AUTS2: variants seen among roughly 807,000 people sequenced by gnomAD.
AUTS2 encodes the protein autism susceptibility gene 2 protein.
A neutral mutation model predicts 112.4 loss-of-function variants in AUTS2; 17 were observed. The ratio of observed to expected loss-of-function variants is 0.15; its 90% confidence interval spans 0.10 to 0.23. The LOEUF (loss-of-function observed/expected upper bound fraction) is 0.23, where lower values mean the gene tolerates loss of function less well. Among genes scored for constraint, AUTS2 ranks in the 10% least tolerant of loss-of-function variants. AUTS2 has a pLI of 1.00. For synonymous variants in AUTS2, 751 were observed against 702.7 expected (o/e 1.07, Z -1.09); for missense variants, 1,510 against 1,701.6 (o/e 0.89, Z 1.98).
chr7:70,104,156 C>G (rs186653903), intron 2 of AUTS2, among the ~76,000 whole-genome samples: 3 of 149,258 alleles, frequency 2.0e-5, no homozygotes, highest in African/African-American at 7.4e-5. Flanking sequence ...CAAAAATTAG[C>G]AGTTATTCAA....
intron 2 of AUTS2, among the ~76,000 whole-genome samples, chr7:69,999,437 A>T (rs760680253): frequency 3.3e-5 from 5 of 152,204 alleles, no homozygotes; most frequent in Non-Finnish European, 7.3e-5. Flanking sequence ...AAGACTAGAT[A>T]AAAAAGGATA....
At chr7:70,037,474 T>C (rs1316142122) in intron 2 of AUTS2, among the ~76,000 whole-genome samples, 1 of 152,208 alleles carries the variant, frequency 6.6e-6, no homozygotes, top group Admixed American at 6.5e-5. Flanking sequence ...ACTATATATA[T>C]GTACCTGATA....
chr7:70,616,753 G>GTTTTTTTTTT (rs67691820), intron 5 of AUTS2, among the ~76,000 whole-genome samples: 21 of 131,264 alleles, frequency 1.6e-4, no homozygotes, highest in East Asian at 6.9e-4. Context: ...GTGTCGAATA[G>GTTTTTTTTTT]TTTTTTTTTT....
intron 4 of AUTS2, chr7:70,290,338 T>C: frequency 6.8e-7 from 1 of 1,465,620 alleles, no homozygotes; most frequent in Non-Finnish European, 9.0e-7. Flanking sequence ...TTCTTTTGAA[T>C]CATTTGAGAT....
At chr7:69,608,083 T>G (rs1792826194) in intron 1 of AUTS2, among the ~76,000 whole-genome samples, 1 of 152,128 alleles carries the variant, frequency 6.6e-6, no homozygotes, top group East Asian at 1.9e-4. Flanking sequence ...TACAGGTGCA[T>G]GCCAGCATGC....
intron 2 of AUTS2, among the ~76,000 whole-genome samples, chr7:69,985,057 G>A (rs975121503): frequency 6.6e-6 from 1 of 151,998 alleles, no homozygotes; most frequent in African/African-American, 2.4e-5. Flanking sequence ...CCATTGAGAA[G>A]GTTTCCAGGT....
intron 6 of AUTS2, among the ~76,000 whole-genome samples, chr7:70,747,824 A>ATTTTG (rs1280159263): frequency 8.0e-6 from 1 of 124,756 alleles, no homozygotes; most frequent in African/African-American, 3.2e-5. Context: ...ATTTTATTTT[A>ATTTTG]TTTATTTTTG....
intron 4 of AUTS2, among the ~76,000 whole-genome samples, chr7:70,303,546 T>G (rs1584995772): frequency 6.6e-6 from 1 of 152,242 alleles, no homozygotes; most frequent in Non-Finnish European, 1.5e-5. Flanking sequence ...GGCCACACTC[T>G]GCTCTTGTTT....
chr7:70,435,619 C>T, intron 4 of AUTS2, 133 bp from the exon 5 acceptor site: 2 of 865,864 alleles, frequency 2.3e-6, no homozygotes, highest in South Asian at 1.6e-5. Context: ...TCTTTCTTTC[C>T]AGGAAGACAG....
intron 5 of AUTS2, among the ~76,000 whole-genome samples, chr7:70,493,216 G>A (rs67432871): frequency 0.22 from 33,533 of 152,148 alleles, 3,834 homozygotes; most frequent in Middle Eastern, 0.34. Flanking sequence ...CTCAGAAAAG[G>A]AAAGGGGAAA....
chr7:70,307,239 C>T (rs1789533013), intron 4 of AUTS2, among the ~76,000 whole-genome samples: 1 of 152,286 alleles, frequency 6.6e-6, no homozygotes, highest in South Asian at 2.1e-4. Context: ...GTTCCATAGC[C>T]ACTAGCACGC....
chr7:69,776,358 A>G (rs528971256), intron 1 of AUTS2, among the ~76,000 whole-genome samples: 9 of 152,298 alleles, frequency 5.9e-5, no homozygotes, highest in Non-Finnish European at 1.3e-4. Flanking sequence ...GAAGGCATAG[A>G]GGAAAATACT....
chr7:70,414,793 G>T (rs1276997089), intron 4 of AUTS2, among the ~76,000 whole-genome samples: 4 of 152,132 alleles, frequency 2.6e-5, no homozygotes, highest in African/African-American at 9.7e-5. Flanking sequence ...GTATAGCTTA[G>T]CCCCAGTGGC....
At chr7:70,113,550 T>C (rs1296655580) in intron 2 of AUTS2, among the ~76,000 whole-genome samples, 1 of 152,218 alleles carries the variant, frequency 6.6e-6, no homozygotes, top group East Asian at 1.9e-4. Flanking sequence ...AAATTTTGCA[T>C]AGAGTTCATT....
At chr7:69,923,969 T>C (rs1181890822) in intron 2 of AUTS2, among the ~76,000 whole-genome samples, 2 of 152,180 alleles carry the variant, frequency 1.3e-5, no homozygotes, top group African/African-American at 4.8e-5. Flanking sequence ...TGTCAGGAAC[T>C]TACAGGATCA....
At chr7:70,345,212 G>A (rs75151513) in intron 4 of AUTS2, among the ~76,000 whole-genome samples, 2,302 of 152,214 alleles carry the variant, frequency 0.015, 28 homozygotes, top group Non-Finnish European at 0.02. Flanking sequence ...TCTCAAGATT[G>A]GGTGACTACT....
At chr7:69,966,336 C>G (rs1048190844) in intron 2 of AUTS2, among the ~76,000 whole-genome samples, 4 of 152,274 alleles carry the variant, frequency 2.6e-5, no homozygotes, top group African/African-American at 9.6e-5. Context: ...TTTGACCCTT[C>G]TGGTCATGAT....
intron 5 of AUTS2, among the ~76,000 whole-genome samples, chr7:70,606,938 T>A (rs1803813225): frequency 6.6e-6 from 1 of 151,890 alleles, no homozygotes; most frequent in African/African-American, 2.4e-5. Context: ...ATTGAACACT[T>A]TATTGTTTCT....
Position 70,404,870 on chromosome 7 carries a change from G to A in AUTS2, c.661-30882G>A, listed in dbSNP as rs150099188. 6.3e-3 allele frequency among the ~76,000 whole-genome samples: 960 copies of A among 152,148 alleles called. 39 individuals are homozygous for A. Among genetic ancestry groups the A allele is most frequent in the Admixed American group, 0.049 (748 of 15,274 alleles). On this transcript the variant is annotated intron_variant, in intron 4 of 18. Transcript: ENST00000342771. The stretch of plus-strand genomic sequence containing the variant: ...CATAAGCATTTTCTCTAACTACTGC[G>A]TCTACCCAGATCCAATAGGAATGGG...
Sources: allele counts gnomAD v4.1 joint callset (sites outside exome capture counted in the v4.1 genomes callset), GRCh38; gene constraint gnomAD v4.1.1; transcripts MANE v1.5; gene names NCBI Gene and HGNC (gene_info 2026-07-23, HGNC 2026-07-21).